LINGO2: variants seen among roughly 807,000 people sequenced by gnomAD.
LINGO2 encodes the protein leucine-rich repeat and immunoglobulin-like domain-containing nogo receptor-interacting protein 2.
In LINGO2, 14 loss-of-function variants were observed where a neutral mutation model predicts 30.6. The observed-to-expected ratio is 0.46, with a 90% CI of 0.30 to 0.72. LINGO2 has a LOEUF of 0.72. Ranked by LOEUF, LINGO2 falls within the 30% of genes least tolerant of loss-of-function variation. LINGO2 has a pLI of 0.07. For missense variants in LINGO2, 729 were observed against 751.7 expected (o/e 0.97, Z 0.35); for synonymous variants, 317 against 288.5 (o/e 1.10, Z -1.00).
intron 1 of LINGO2, among the ~76,000 whole-genome samples, chr9:28,553,109 A>G (rs750600623): frequency 1.3e-5 from 2 of 152,114 alleles, no homozygotes; most frequent in African/African-American, 2.4e-5. Context: ...CTCCAAAGGA[A>G]CGCAGCTCCT....
chr9:27,958,545 G>A (rs1034030464), intron 5 of LINGO2, among the ~76,000 whole-genome samples: 7 of 147,458 alleles, frequency 4.7e-5, no homozygotes, highest in African/African-American at 1.9e-4. Flanking sequence ...TTTTAAGGGA[G>A]AGTGAGAGAG....
chr9:28,255,965 C>T (rs1822370092), intron 4 of LINGO2, among the ~76,000 whole-genome samples: 1 of 152,024 alleles, frequency 6.6e-6, no homozygotes, highest in African/African-American at 2.4e-5. Context: ...ACTCTTAAGG[C>T]GGTCTGTGAA....
At chr9:28,356,006 T>A (rs1160514285) in intron 3 of LINGO2, among the ~76,000 whole-genome samples, 1 of 152,160 alleles carries the variant, frequency 6.6e-6, no homozygotes. Context: ...ACTTACAGCA[T>A]TTAGTTAGAT....
At chr9:28,907,855 T>C in the LINGO2 span, among the ~76,000 whole-genome samples, 1 of 151,524 alleles carries the variant, frequency 6.6e-6, no homozygotes. Flanking sequence ...TCGAGATGAC[T>C]GTAGAACTTC....
chr9:28,565,502 T>TTTA (rs1823327400), intron 1 of LINGO2, among the ~76,000 whole-genome samples: 1 of 111,480 alleles, frequency 9.0e-6, no homozygotes, highest in Non-Finnish European at 2.0e-5. Flanking sequence ...ATTATTTTTA[T>TTTA]TTTTTTTTTT....
chr9:28,981,292 T>C, the LINGO2 span, among the ~76,000 whole-genome samples: 62 of 152,224 alleles, frequency 4.1e-4, 1 homozygote, highest in East Asian at 0.012. Context: ...CAGAGTCTGA[T>C]CTCAGACTTC....
chr9:28,218,510 C>T (rs1211636691), intron 4 of LINGO2, among the ~76,000 whole-genome samples: 1 of 152,004 alleles, frequency 6.6e-6, no homozygotes, highest in African/African-American at 2.4e-5. Flanking sequence ...CGATAAAGAA[C>T]AGATGTGACA....
intron 4 of LINGO2, among the ~76,000 whole-genome samples, chr9:28,053,764 TA>T (rs1411009798): frequency 2.0e-5 from 3 of 152,072 alleles, no homozygotes; most frequent in Non-Finnish European, 4.4e-5. Context: ...TAAAAGAACG[TA>T]AATAGAGGCA....
the LINGO2 span, among the ~76,000 whole-genome samples, chr9:29,173,417 C>T: frequency 2.0e-5 from 3 of 152,058 alleles, no homozygotes; most frequent in South Asian, 2.1e-4. Flanking sequence ...GCTATGGCAA[C>T]GAATTTACCG....
At chr9:28,344,258 G>A (rs1212482418) in intron 3 of LINGO2, among the ~76,000 whole-genome samples, 1 of 152,018 alleles carries the variant, frequency 6.6e-6, no homozygotes, top group Non-Finnish European at 1.5e-5. Flanking sequence ...AAAATCAACA[G>A]AGAAAATGAA....
At chr9:28,052,585 G>A (rs1824726273) in intron 4 of LINGO2, among the ~76,000 whole-genome samples, 1 of 151,998 alleles carries the variant, frequency 6.6e-6, no homozygotes, top group Non-Finnish European at 1.5e-5. Flanking sequence ...AGAAACACCT[G>A]GTTTCATGGT....
chr9:28,557,324 A>C (rs1028252099), intron 1 of LINGO2, among the ~76,000 whole-genome samples: 2 of 152,100 alleles, frequency 1.3e-5, no homozygotes, highest in African/African-American at 4.8e-5. Context: ...ACCCCATCAA[A>C]AAGTGGGCAA....
At chr9:29,013,139 C>T in the LINGO2 span, among the ~76,000 whole-genome samples, 1 of 152,142 alleles carries the variant, frequency 6.6e-6, no homozygotes, top group Non-Finnish European at 1.5e-5. Flanking sequence ...TCTCTTAATA[C>T]ATAGAGAGAA....
At chr9:29,072,610 T>TTTATATATATA in the LINGO2 span, among the ~76,000 whole-genome samples, 1 of 145,736 alleles carries the variant, frequency 6.9e-6, no homozygotes, top group African/African-American at 2.6e-5. Flanking sequence ...ATGTCTCTCT[T>TTTATATATATA]TGATATATAT....
In LINGO2 at chr9:28,055,190, T is replaced by G. The variant is rs1345206570; in HGVS notation, c.-86-42785A>C. On this transcript the variant is annotated intron_variant, in intron 4 of 5. Coordinates refer to ENST00000379992, the Ensembl canonical transcript of LINGO2. ...TCCTTATGTAAATTGGCTTAATTTT[T>G]TAAGTTTCTGCAGACAATTTCTTAT... 2.0e-5 allele frequency among the ~76,000 whole-genome samples: 3 copies of G among 152,186 alleles called. No homozygotes were observed. The East Asian group carries it at 5.8e-4, about 29-fold the overall frequency.
At chr9:29,036,432 G>C in the LINGO2 span, among the ~76,000 whole-genome samples, 1 of 152,052 alleles carries the variant, frequency 6.6e-6, no homozygotes, top group African/African-American at 2.4e-5. Flanking sequence ...AATCATTGTA[G>C]TAGTGTGAAC....
intron 1 of LINGO2, among the ~76,000 whole-genome samples, chr9:28,638,829 C>G (rs1469843886): frequency 2.0e-5 from 3 of 152,090 alleles, no homozygotes; most frequent in Non-Finnish European, 4.4e-5. Flanking sequence ...TTCAGTTCTG[C>G]TCTGATCTTA....
intron 3 of LINGO2, among the ~76,000 whole-genome samples, chr9:28,336,921 A>T (rs961702413): frequency 6.6e-6 from 1 of 151,950 alleles, no homozygotes; most frequent in Non-Finnish European, 1.5e-5. Flanking sequence ...CTGACCACAC[A>T]TATCACAGAA....
intron 5 of LINGO2, among the ~76,000 whole-genome samples, chr9:27,955,422 A>T (rs1381842922): frequency 6.6e-6 from 1 of 152,220 alleles, no homozygotes; most frequent in Admixed American, 6.5e-5. Context: ...TCACAATCTG[A>T]TACAGAACAT....
Sources: gnomAD v4.1 joint callset for allele counts (sites outside exome capture counted in the v4.1 genomes callset) on GRCh38, gnomAD v4.1.1 for gene constraint, MANE v1.5 for transcripts, NCBI Gene and HGNC (gene_info 2026-07-23, HGNC 2026-07-21) for gene names.